Variants in PLD5 observed in about 807,000 individuals in gnomAD.
The protein encoded by PLD5 is phospholipase D family member 5.
A neutral mutation model predicts 61.1 loss-of-function variants in PLD5; 36 were observed. The ratio of observed to expected loss-of-function variants is 0.59; its 90% CI spans 0.45 to 0.78. PLD5 has a LOEUF of 0.78. Among genes scored for constraint, PLD5 ranks in the 30% least tolerant of loss-of-function variants. The pLI, the probability that PLD5 is intolerant of heterozygous loss-of-function variation, is 0.00. For synonymous variants in PLD5, 243 were observed against 242.8 expected (o/e 1.00, Z -0.01); for missense variants, 515 against 644.4 (o/e 0.80, Z 2.17).
intron 9 of PLD5, among the ~76,000 whole-genome samples, chr1:242,093,611 C>T (rs113471083): frequency 1.3e-5 from 2 of 152,070 alleles, no homozygotes; most frequent in Admixed American, 6.6e-5. Flanking sequence ...GGTCTGACCC[C>T]GGGGTCCACC....
chr1:242,475,024 G>C (rs980417671), intron 1 of PLD5, among the ~76,000 whole-genome samples: 7 of 152,216 alleles, frequency 4.6e-5, no homozygotes, highest in Admixed American at 3.3e-4. Flanking sequence ...GTCCAGCATA[G>C]TGCCTGGCAA....
chr1:242,321,993 C>T (rs10754760), intron 2 of PLD5, among the ~76,000 whole-genome samples: 132,505 of 152,160 alleles, frequency 0.87, 58,057 homozygotes, highest in East Asian at 0.95. Context: ...GATGGTACAA[C>T]GTAAAGTAGC....
intron 2 of PLD5, among the ~76,000 whole-genome samples, chr1:242,339,314 G>GAAAC (rs367761914): frequency 5.9e-5 from 9 of 152,108 alleles, no homozygotes; most frequent in Admixed American, 6.6e-5. Context: ...TCTATTCAGG[G>GAAAC]AAACAAACAA....
chr1:242,294,577 G>A (rs904346345), intron 2 of PLD5, among the ~76,000 whole-genome samples: 4 of 152,110 alleles, frequency 2.6e-5, no homozygotes, highest in Non-Finnish European at 5.9e-5. Flanking sequence ...AGTTTAAAAG[G>A]GTTTGTAATA....
chr1:242,212,892 G>T (rs1002213809), intron 5 of PLD5, among the ~76,000 whole-genome samples: 2 of 152,156 alleles, frequency 1.3e-5, no homozygotes, highest in Non-Finnish European at 2.9e-5. Flanking sequence ...GATCTGATTT[G>T]GGTAGAACAG....
chr1:242,371,208 C>T (rs1401758133), intron 1 of PLD5, among the ~76,000 whole-genome samples: 1 of 152,136 alleles, frequency 6.6e-6, no homozygotes, highest in African/African-American at 2.4e-5. Flanking sequence ...TTAGAAGGAA[C>T]ACACACACGC....
rs114800736 is a variant in PLD5 at position 242,410,715 on chromosome 1, G to A, written c.190-62473C>T. 2.9e-3 allele frequency among the ~76,000 whole-genome samples: 448 copies of A among 152,242 alleles called. 2 individuals carry two copies. Among genetic ancestry groups the A allele is most frequent in the African/African-American group, 0.01 (417 of 41,544 alleles). On this transcript the variant is annotated intron_variant, in intron 1 of 9. Transcript: ENST00000536534. ...GTTCCATTATTGGAACACTGAGCAT[G>A]TGGGAGTTATTTATATCCTACTGCT...
At chr1:242,416,139 CA>C (rs890296767) in intron 1 of PLD5, among the ~76,000 whole-genome samples, 12 of 146,224 alleles carry the variant, frequency 8.2e-5, no homozygotes, top group Non-Finnish European at 1.4e-4. Context: ...TGGGGTTGAG[CA>C]AAAAAAAATT....
chr1:242,138,175 A>G (rs184655622), intron 5 of PLD5, among the ~76,000 whole-genome samples: 440 of 152,320 alleles, frequency 2.9e-3, no homozygotes, highest in Non-Finnish European at 4.2e-3. Flanking sequence ...AATTTAATCC[A>G]ATAATTAAAT....
chr1:242,280,787 A>C (rs1674679508), intron 3 of PLD5, among the ~76,000 whole-genome samples: 1 of 152,262 alleles, frequency 6.6e-6, no homozygotes, highest in Admixed American at 6.5e-5. Context: ...TGTTCAGGCC[A>C]CACGAGTATT....
chr1:242,219,382 T>C (rs1401021958), intron 5 of PLD5, among the ~76,000 whole-genome samples: 1 of 152,070 alleles, frequency 6.6e-6, no homozygotes, highest in African/African-American at 2.4e-5. Context: ...TAAAAAGATG[T>C]TCTGAGAAGG....
chr1:242,297,703 A>G (rs1348083236), intron 2 of PLD5, among the ~76,000 whole-genome samples: 1 of 141,100 alleles, frequency 7.1e-6, no homozygotes, highest in Non-Finnish European at 1.5e-5. Flanking sequence ...GCAGTGGCGC[A>G]ATCTCGGCTC....
Position 242,107,660 on chromosome 1 carries a change from G to A in PLD5, c.1239+11C>T, listed in dbSNP as rs376911505. On this transcript the variant is annotated intron_variant, in intron 8 of 9. Transcript: ENST00000536534. ...CTTTTTATTTAATAACACAGTCAAC[G>A]TAATACTTACAACTTTCAAACTGCA... 12 of 1,574,340 alleles carry A rather than the reference G, an allele frequency of 7.6e-6. No individual in the cohort carries two copies. Among genetic ancestry groups the A allele is most frequent in the East Asian group, 2.2e-5 (1 of 44,580 alleles).
At chr1:242,427,832 C>A (rs2036492) in intron 1 of PLD5, among the ~76,000 whole-genome samples, 39,814 of 151,976 alleles carry the variant, frequency 0.26, 5,534 homozygotes, top group Admixed American at 0.31. Flanking sequence ...TGTCTTTTTC[C>A]CCATTCTTTT....
chr1:242,425,674 G>T (rs996536233), intron 1 of PLD5, among the ~76,000 whole-genome samples: 2 of 124,500 alleles, frequency 1.6e-5, no homozygotes, highest in African/African-American at 3.2e-5. Flanking sequence ...ACAGAGTCTC[G>T]CTCTGTCACC....
chr1:242,388,442 C>T (rs541482396), intron 1 of PLD5, among the ~76,000 whole-genome samples: 2 of 152,088 alleles, frequency 1.3e-5, no homozygotes, highest in South Asian at 2.1e-4. Flanking sequence ...CAGTCAAGGA[C>T]GCAAACATAA....
chr1:242,418,943 A>G (rs1664976293), intron 1 of PLD5, among the ~76,000 whole-genome samples: 1 of 152,244 alleles, frequency 6.6e-6, no homozygotes, highest in Non-Finnish European at 1.5e-5. Flanking sequence ...TCTACGTATT[A>G]TCTAAGAACC....
At chr1:242,399,675 C>T (rs1301565615) in intron 1 of PLD5, among the ~76,000 whole-genome samples, 1 of 152,022 alleles carries the variant, frequency 6.6e-6, no homozygotes. Flanking sequence ...TATCGGGGGT[C>T]CCCAATCCCC....
At chr1:242,357,326 AT>A (rs1454863243) in intron 1 of PLD5, among the ~76,000 whole-genome samples, 1 of 148,494 alleles carries the variant, frequency 6.7e-6, no homozygotes, top group Non-Finnish European at 1.5e-5. Flanking sequence ...TAGGTAATAT[AT>A]TGCTTGTCTC....
Sources: gnomAD v4.1 joint callset for allele counts (sites outside exome capture counted in the v4.1 genomes callset) on GRCh38, gnomAD v4.1.1 for gene constraint, MANE v1.5 for transcripts, NCBI Gene and HGNC (gene_info 2026-07-23, HGNC 2026-07-21) for gene names.